The following NETO1 variants were observed in gnomAD, a reference collection of about 807,000 sequenced individuals.
NETO1 encodes the protein neuropilin and tolloid-like protein 1.
NETO1 carries 26 observed loss-of-function variants against 61.3 expected under a neutral mutation model. The observed-to-expected ratio is 0.42, with a 90% CI of 0.31 to 0.59. The LOEUF (loss-of-function observed/expected upper bound fraction) is 0.59. Among genes scored for constraint, NETO1 ranks in the 20% least tolerant of loss-of-function variants. NETO1 has a pLI of 0.12. For synonymous variants in NETO1, 225 were observed against 225.8 expected (o/e 1.00, Z 0.03); for missense variants, 531 against 662.8 (o/e 0.80, Z 2.18).
chr18:72,803,025 T>C (rs139480354), intron 4 of NETO1, among the ~76,000 whole-genome samples: 5 of 152,332 alleles, frequency 3.3e-5, no homozygotes, highest in African/African-American at 1.2e-4. Flanking sequence ...TGGAGCATCA[T>C]TTCTGCTTGA....
chr18:72,814,733 C>A (rs2072975351), intron 4 of NETO1, among the ~76,000 whole-genome samples: 1 of 151,840 alleles, frequency 6.6e-6, no homozygotes, highest in Non-Finnish European at 1.5e-5. Context: ...TAAAGAAAAA[C>A]TTCAGGGAAA....
At chr18:72,756,839 G>A (rs1226319499) in intron 7 of NETO1, among the ~76,000 whole-genome samples, 1 of 152,094 alleles carries the variant, frequency 6.6e-6, no homozygotes, top group Non-Finnish European at 1.5e-5. Context: ...TGAACTTCAA[G>A]AAGGTATAAA....
At chr18:72,820,695 G>C (rs974714290) in intron 4 of NETO1, among the ~76,000 whole-genome samples, 1 of 152,208 alleles carries the variant, frequency 6.6e-6, no homozygotes, top group Admixed American at 6.5e-5. Context: ...ACGAGGATGA[G>C]CGGCATCCAT....
At chr18:72,855,653 T>C (rs781683423) in intron 4 of NETO1, among the ~76,000 whole-genome samples, 12 of 152,168 alleles carry the variant, frequency 7.9e-5, no homozygotes, top group African/African-American at 2.9e-4. Context: ...GAAAGGCTAT[T>C]ATTTTAAGTT....
intron 4 of NETO1, among the ~76,000 whole-genome samples, chr18:72,796,009 T>C (rs572339366): frequency 1.3e-5 from 2 of 152,334 alleles, no homozygotes; most frequent in Admixed American, 6.5e-5. Flanking sequence ...AAAAGATGAC[T>C]GGGAAATGCA....
chr18:72,769,804 T>C (rs79381982), intron 7 of NETO1, among the ~76,000 whole-genome samples: 2,667 of 152,224 alleles, frequency 0.018, 66 homozygotes, highest in East Asian at 0.093. Flanking sequence ...TCAGTATCAA[T>C]CTACCACATC....
chr18:72,800,340 G>A (rs1054350924), intron 4 of NETO1, among the ~76,000 whole-genome samples: 5 of 152,172 alleles, frequency 3.3e-5, no homozygotes, highest in African/African-American at 1.2e-4. Flanking sequence ...TCCTGAGATT[G>A]CCACAGAATG....
chr18:72,771,917 T>TC (rs35983087), intron 7 of NETO1, among the ~76,000 whole-genome samples: 45,965 of 151,846 alleles, frequency 0.3, 8,051 homozygotes, highest in South Asian at 0.47. Flanking sequence ...GTTCTGTATG[T>TC]CAGAAGTCCA....
intron 4 of NETO1, among the ~76,000 whole-genome samples, chr18:72,846,948 A>T (rs927449897): frequency 2.0e-5 from 3 of 152,250 alleles, no homozygotes; most frequent in Non-Finnish European, 4.4e-5. Flanking sequence ...CAAAGGAAGT[A>T]CGCATTCCTT....
At chr18:72,855,447 C>A (rs1318512020) in intron 4 of NETO1, among the ~76,000 whole-genome samples, 1 of 152,116 alleles carries the variant, frequency 6.6e-6, no homozygotes, top group African/African-American at 2.4e-5. Context: ...TAAAAATAAC[C>A]GTCAGCAAAC....
Position 72,756,110 on chromosome 18 carries a change from G to A in NETO1, c.906C>T (p.Asn302=), listed in dbSNP as rs762876625. The part of the protein sequence containing the change: ...CEGNTFFCHS[N]MCINNTLVCN... Reference sequence around the variant, plus strand: ...AGACCAAAGTATTATTAATACACATGTTACTATGGCAGAAGAATGTGTTGC... The same window carrying A: ...AGACCAAAGTATTATTAATACACATATTACTATGGCAGAAGAATGTGTTGC... Residue 302 remains asparagine (N), a synonymous_variant, in exon 8 of 11, where the codon AAC becomes AAT. Coordinates refer to ENST00000327305, the MANE Select transcript of NETO1 (RefSeq NM_138966.5). The A allele has an allele frequency of 1.9e-6, 3 of 1,608,118 alleles. No homozygotes were observed. The highest frequency in any genetic ancestry group is 1.1e-5 in the South Asian group (1 of 90,740).
intron 4 of NETO1, chr18:72,834,981 A>G (rs900727663): frequency 1.2e-6 from 1 of 833,532 alleles, no homozygotes; most frequent in Non-Finnish European, 1.4e-6. Context: ...ACAATATTAC[A>G]TAAAATATAA....
chr18:72,834,630 T>C, intron 4 of NETO1: 3 of 983,742 alleles, frequency 3.0e-6, no homozygotes, highest in Non-Finnish European at 3.6e-6. Context: ...TTTATGTTTA[T>C]AATTACTTAA....
At chr18:72,794,689 T>C (rs189861102) in intron 4 of NETO1, among the ~76,000 whole-genome samples, 242 of 152,308 alleles carry the variant, frequency 1.6e-3, no homozygotes, top group African/African-American at 5.4e-3. Context: ...ATAAAAATCT[T>C]ACTCATTACC....
At chr18:72,800,793 C>G (rs1283385667) in intron 4 of NETO1, among the ~76,000 whole-genome samples, 1 of 152,130 alleles carries the variant, frequency 6.6e-6, no homozygotes, top group African/African-American at 2.4e-5. Context: ...ATACTCAGTA[C>G]TGAATTTAAC....
chr18:72,776,235 C>T (rs148873826), intron 7 of NETO1, among the ~76,000 whole-genome samples: 44 of 152,170 alleles, frequency 2.9e-4, no homozygotes, highest in African/African-American at 9.9e-4. Context: ...CTATCATAAC[C>T]CATATCGTAG....
At chr18:72,851,304 G>C (rs151078994) in intron 4 of NETO1, among the ~76,000 whole-genome samples, 12 of 152,274 alleles carry the variant, frequency 7.9e-5, no homozygotes, top group African/African-American at 2.4e-4. Context: ...CCAGCAACTA[G>C]GGAGGCTGAG....
chr18:72,845,498 CA>C (rs2074055755), intron 4 of NETO1, among the ~76,000 whole-genome samples: 2 of 151,952 alleles, frequency 1.3e-5, no homozygotes, highest in South Asian at 4.1e-4. Context: ...TAAGTTTATA[CA>C]AATATGAAAA....
rs1016317789 is a variant in NETO1, at chr18:72,802,485, A to T, written c.470-8081T>A. ...TTACTTTTGTCTAAAAAATGAACGGATGTACAAACTTGGCTGGGCTTCCTT... is the reference window on the plus strand; with the variant it reads ...TTACTTTTGTCTAAAAAATGAACGGTTGTACAAACTTGGCTGGGCTTCCTT... On this transcript the variant is annotated intron_variant, in intron 4 of 10. Coordinates refer to ENST00000327305, the MANE Select transcript of NETO1 (RefSeq NM_138966.5). 1.3e-4 allele frequency among the ~76,000 whole-genome samples: 20 copies of T among 152,250 alleles called. 1 individual carries two copies. Among genetic ancestry groups the T allele is most frequent in the Non-Finnish European group, 5.9e-5 (4 of 68,042 alleles).
Sources: gnomAD v4.1 joint callset for allele counts (sites outside exome capture counted in the v4.1 genomes callset) on GRCh38, gnomAD v4.1.1 for gene constraint, MANE v1.5 for transcripts, NCBI Gene and HGNC (gene_info 2026-07-23, HGNC 2026-07-21) for gene names.